The following LBP variants were observed in gnomAD, a reference collection of about 807,000 sequenced individuals.
LBP encodes the protein lipopolysaccharide binding protein.
In LBP, 53 loss-of-function variants were observed where a neutral mutation model predicts 56.6. That is an observed-to-expected ratio of 0.94 (90% CI 0.75 to 1.18). LBP has a LOEUF of 1.18. Among genes scored for constraint, LBP ranks in the 50% most tolerant of loss-of-function variants. The pLI is 0.00. For synonymous variants in LBP, 227 were observed against 247.5 expected (o/e 0.92, Z 0.78); for missense variants, 601 against 598.3 (o/e 1.00, Z -0.05).
rs993414845 is a variant in LBP, at chr20:38,366,918, A to T, written c.981+90A>T. The T allele has an allele frequency of 8.2e-6, 10 of 1,220,758 alleles. No individual in the cohort carries two copies. The African/African-American group carries it at 1.3e-4, about 16-fold the overall frequency. The allele number at this position is 1,220,758 out of a possible 1,614,324, so 75.6% of individuals were successfully genotyped here. A position where few individuals can be genotyped will look rare whatever the true frequency, so the allele number is the denominator to read the frequency against. Reference sequence around the variant, plus strand: ...TAAAACCTCTGCATCTCTCAGCTTGACCAAGAGTGAGAAGGCCGGGATGAG... The same window carrying T: ...TAAAACCTCTGCATCTCTCAGCTTGTCCAAGAGTGAGAAGGCCGGGATGAG... On this transcript the variant is annotated intron_variant, in intron 9 of 14. Coordinates refer to ENST00000217407, the MANE Select transcript of LBP (RefSeq NM_004139.5).
chr20:38,355,084 AC>A (rs773139093), intron 4 of LBP, among the ~76,000 whole-genome samples: 4 of 151,808 alleles, frequency 2.6e-5, no homozygotes, highest in Non-Finnish European at 5.9e-5. Flanking sequence ...CCTGTCCCCC[AC>A]CCCCCCGCAA....
At chr20:38,351,070 G>A (rs374889151) in intron 3 of LBP, 131 bp downstream of exon 3, 23 of 1,217,916 alleles carry the variant, frequency 1.9e-5, no homozygotes, top group African/African-American at 1.4e-4. Flanking sequence ...GCCCGGAGGT[G>A]GCCTGGGGAT....
intron 9 of LBP, 129 bp from the exon 10 acceptor site, chr20:38,368,866 G>T (rs2076891565): frequency 1.1e-6 from 1 of 908,164 alleles, no homozygotes; most frequent in Non-Finnish European, 1.7e-6. Context: ...GGAGAAAAAG[G>T]CACAGAGAAT....
chr20:38,372,161 G>T (rs969525786), intron 12 of LBP, among the ~76,000 whole-genome samples: 1 of 152,200 alleles, frequency 6.6e-6, no homozygotes, highest in African/African-American at 2.4e-5. Flanking sequence ...CAAAGTTATG[G>T]AGAAGAGCTT....
intron 14 of LBP, among the ~76,000 whole-genome samples, chr20:38,374,609 GAAAGAAAAAAA>G (rs1456421279): frequency 2.3e-4 from 34 of 145,366 alleles, no homozygotes; most frequent in Non-Finnish European, 4.1e-4. Context: ...AAAAAAAAAA[GAAAGAAAAAAA>G]AAAGAAAGAA....
intron 9 of LBP, among the ~76,000 whole-genome samples, chr20:38,368,086 C>A (rs2076888780): frequency 6.6e-6 from 1 of 151,678 alleles, no homozygotes; most frequent in East Asian, 1.9e-4. Context: ...TGTGGAATAT[C>A]ATATTAAAAG....
intron 8 of LBP, among the ~76,000 whole-genome samples, chr20:38,365,892 G>A (rs1428974547): frequency 6.6e-6 from 1 of 151,892 alleles, no homozygotes; most frequent in Non-Finnish European, 1.5e-5. Flanking sequence ...AAACCTGTCG[G>A]GGAGCTTCCT....
Position 38,364,080 on chromosome 20 carries a change from G to T in LBP, c.744+14G>T. 1 of 1,591,774 alleles carries T rather than the reference G, an allele frequency of 6.3e-7. No homozygotes were observed. Among genetic ancestry groups the T allele is most frequent in the African/African-American group, 1.3e-5 (1 of 74,508 alleles). ...GTGATGTTTAAGGTGAGGGTCCTGG[G>T]GCCGGGCTGCGTGGGTGAGGCTTTC... On this transcript the variant is annotated intron_variant, in intron 7 of 14. Transcript: ENST00000217407.
intron 8 of LBP, 35 bp downstream of exon 8, chr20:38,364,787 C>T (rs147023518): frequency 6.8e-5 from 106 of 1,563,160 alleles, no homozygotes; most frequent in Non-Finnish European, 9.1e-5. Context: ...CTCAAATGAA[C>T]ACATAACCTA....
chr20:38,366,838 C>T lies in LBP; in HGVS notation c.981+10C>T, dbSNP rs367962719. 3 of 1,612,428 alleles carry T rather than the reference C, an allele frequency of 1.9e-6. No individual in the cohort carries two copies. The highest frequency in any genetic ancestry group is 2.7e-5 in the African/African-American group (2 of 74,872). ...ACCCTTCGTCCCACGGGTAAGGAGT[C>T]CCTTAGTTCCCCATGAGTGCAGACC... On this transcript the variant is annotated intron_variant, in intron 9 of 14. Coordinates refer to ENST00000217407, the MANE Select transcript of LBP (RefSeq NM_004139.5).
At chr20:38,372,329 G>C (rs1414577089) in intron 12 of LBP, among the ~76,000 whole-genome samples, 1 of 152,208 alleles carries the variant, frequency 6.6e-6, no homozygotes, top group East Asian at 1.9e-4. Flanking sequence ...AAACACAGAG[G>C]CGGTGGGGAG....
chr20:38,371,416 A>G, intron 12 of LBP, 94 bp downstream of exon 12: 1 of 965,842 alleles, frequency 1.0e-6, no homozygotes, highest in East Asian at 2.5e-5. Context: ...GGAAATACAA[A>G]AGGAGAAGAG....
chr20:38,363,809 C>T (rs1362208619), intron 6 of LBP, among the ~76,000 whole-genome samples, 166 bp from the exon 7 acceptor site: 4 of 152,126 alleles, frequency 2.6e-5, no homozygotes, highest in African/African-American at 9.7e-5. Flanking sequence ...CCAAGGGAAT[C>T]CATGTAGTGT....
intron 2 of LBP, 38 bp from the exon 3 acceptor site, chr20:38,350,773 C>A: frequency 1.3e-6 from 2 of 1,581,710 alleles, no homozygotes; most frequent in Non-Finnish European, 8.6e-7. Context: ...TGGGTCCAGG[C>A]CCAGGGCTGA....
intron 6 of LBP, among the ~76,000 whole-genome samples, chr20:38,363,583 C>T (rs1181888237): frequency 6.6e-6 from 1 of 152,188 alleles, no homozygotes; most frequent in East Asian, 1.9e-4. Context: ...GGACTTGGAA[C>T]ATTCATCCAT....
intron 5 of LBP, 94 bp downstream of exon 5, chr20:38,355,503 C>G: frequency 3.5e-6 from 4 of 1,127,574 alleles, no homozygotes; most frequent in Non-Finnish European, 5.4e-6. Flanking sequence ...GCCATGGGGG[C>G]TGGTTTAGAC....
chr20:38,366,212 G>A (rs936180291), intron 8 of LBP, among the ~76,000 whole-genome samples: 1 of 151,732 alleles, frequency 6.6e-6, no homozygotes, highest in Non-Finnish European at 1.5e-5. Flanking sequence ...CTGGTAGATC[G>A]AGGGTCATTT....
chr20:38,360,454 C>A (rs1050644541), intron 5 of LBP, among the ~76,000 whole-genome samples: 1 of 152,146 alleles, frequency 6.6e-6, no homozygotes, highest in Non-Finnish European at 1.5e-5. Context: ...GTCAGTGACT[C>A]CCTAGCTCAG....
chr20:38,372,911 C>T (rs968236700), intron 12 of LBP, among the ~76,000 whole-genome samples, 161 bp from the exon 13 acceptor site: 2 of 152,176 alleles, frequency 1.3e-5, no homozygotes, highest in African/African-American at 4.8e-5. Context: ...TTTCTATTCA[C>T]TTGCATACCA....
Sources: gnomAD v4.1 joint callset for allele counts (sites outside exome capture counted in the v4.1 genomes callset) on GRCh38, gnomAD v4.1.1 for gene constraint, MANE v1.5 for transcripts, NCBI Gene and HGNC (gene_info 2026-07-23, HGNC 2026-07-21) for gene names.